KCND2: variants seen among roughly 807,000 people sequenced by gnomAD.
KCND2 encodes potassium voltage-gated channel subfamily D member 2, also known as A-type voltage-gated potassium channel KCND2.
KCND2 carries 16 observed loss-of-function variants against 54.4 expected under a neutral mutation model. The ratio of observed to expected loss-of-function variants is 0.29; its 90% CI spans 0.20 to 0.45. The LOEUF (loss-of-function observed/expected upper bound fraction) is 0.45. Ranked by LOEUF, KCND2 falls within the 20% of genes least tolerant of loss-of-function variation. The pLI is 1.00. For missense variants in KCND2, 486 were observed against 824.2 expected, an observed-to-expected ratio of 0.59 and a Z score of 5.02; for synonymous variants, 317 against 310.7, an observed-to-expected ratio of 1.02 and a Z score of -0.21.
chr7:120,426,167 G>A (rs1801703284), intron 1 of KCND2, among the ~76,000 whole-genome samples: 1 of 151,842 alleles, frequency 6.6e-6, no homozygotes, highest in Non-Finnish European at 1.5e-5. Context: ...ATGGAAAGAA[G>A]AAACAAAATA....
intron 1 of KCND2, among the ~76,000 whole-genome samples, chr7:120,531,953 T>C (rs1791848101): frequency 6.6e-6 from 1 of 152,148 alleles, no homozygotes; most frequent in African/African-American, 2.4e-5. Flanking sequence ...GCTTTAAAGA[T>C]TATTGTGTAA....
chr7:120,392,826 T>C lies in KCND2; in HGVS notation c.1115+117079T>C, dbSNP rs189801515. ...TCATCTAACATTAATATATTTAGGA[T>C]GGTAAAAGTGACAAATACCAATATC... On this transcript the variant is annotated intron_variant, in intron 1 of 5. Coordinates refer to ENST00000331113, the MANE Select transcript of KCND2 (RefSeq NM_012281.3). Among the ~76,000 whole-genome samples the C allele has an allele frequency of 1.7e-3, 264 of 152,052 alleles. 1 individual carries two copies. Among genetic ancestry groups the C allele is most frequent in the Non-Finnish European group, 2.9e-3 (200 of 67,942 alleles).
chr7:120,576,581 A>G lies in KCND2; in HGVS notation c.1116-156322A>G, dbSNP rs1792437085. On this transcript the variant is annotated intron_variant, in intron 1 of 5. Coordinates refer to ENST00000331113, the MANE Select transcript of KCND2 (RefSeq NM_012281.3). Reference sequence around the variant, plus strand: ...AGTACAAATTTAAACTTCCTCTAACAGAATGTTAAAAATCTCACACTAACC... The same window carrying G: ...AGTACAAATTTAAACTTCCTCTAACGGAATGTTAAAAATCTCACACTAACC... Among the ~76,000 whole-genome samples, 3 of 152,280 alleles carry G rather than the reference A, an allele frequency of 2.0e-5. No homozygotes were observed. The South Asian group carries it at 6.2e-4, about 32-fold the overall frequency.
At chr7:120,575,928 G>A (rs1186388092) in intron 1 of KCND2, among the ~76,000 whole-genome samples, 1 of 6,886 alleles carries the variant, frequency 1.5e-4, no homozygotes, top group East Asian at 6.4e-4. Flanking sequence ...AAAATTCTCA[G>A]GATGTACACT....
intron 1 of KCND2, among the ~76,000 whole-genome samples, chr7:120,686,902 T>C (rs1447919984): frequency 6.6e-6 from 1 of 152,192 alleles, no homozygotes; most frequent in Non-Finnish European, 1.5e-5. Context: ...GTTTCATTTG[T>C]TTCTATCTAT....
intron 1 of KCND2, among the ~76,000 whole-genome samples, chr7:120,302,769 T>TG (rs1799605297): frequency 6.6e-6 from 1 of 152,210 alleles, no homozygotes; most frequent in African/African-American, 2.4e-5. Context: ...GAGGAATTTT[T>TG]CAGTGGTCTT....
chr7:120,484,167 G>A (rs548382042), intron 1 of KCND2, among the ~76,000 whole-genome samples: 1 of 152,266 alleles, frequency 6.6e-6, no homozygotes, highest in South Asian at 2.1e-4. Context: ...GATAGGAAAT[G>A]CGGGCAGGAC....
At chr7:120,343,807 C>T (rs1163344201) in intron 1 of KCND2, among the ~76,000 whole-genome samples, 2 of 152,138 alleles carry the variant, frequency 1.3e-5, no homozygotes, top group Admixed American at 1.3e-4. Context: ...ACTATTTTCA[C>T]ATGATATTCA....
intron 1 of KCND2, among the ~76,000 whole-genome samples, chr7:120,352,778 G>A (rs1800435073): frequency 6.6e-6 from 1 of 152,062 alleles, no homozygotes; most frequent in South Asian, 2.1e-4. Flanking sequence ...ACTGAAAAAT[G>A]CAAACAGTAA....
chr7:120,298,800 C>T lies in KCND2; in HGVS notation c.1115+23053C>T, dbSNP rs578083479. On this transcript the variant is annotated intron_variant, in intron 1 of 5. Coordinates refer to ENST00000331113, the MANE Select transcript of KCND2 (RefSeq NM_012281.3). ...TGAGCACTACTATTAGAAAGTGTAG[C>T]GAAGTCTTACGCTTTACCTGTTATT... is the stretch of plus-strand genomic sequence containing the variant. 1.8e-3 allele frequency among the ~76,000 whole-genome samples: 276 copies of T among 152,132 alleles called. 1 individual carries two copies. The highest frequency in any genetic ancestry group is 6.3e-3 in the Middle Eastern group (2 of 316).
At chr7:120,403,573 A>C in intron 1 of KCND2, among the ~76,000 whole-genome samples, 1 of 148,820 alleles carries the variant, frequency 6.7e-6, no homozygotes, top group Non-Finnish European at 1.5e-5. Context: ...CAAATGATCC[A>C]CCTGCCTAGG....
intron 1 of KCND2, among the ~76,000 whole-genome samples, chr7:120,338,389 T>A (rs1800181559): frequency 6.6e-6 from 1 of 152,078 alleles, no homozygotes; most frequent in South Asian, 2.1e-4. Flanking sequence ...ATGTTGTACA[T>A]TTTTGCTTTC....
chr7:120,712,743 G>A (rs1489948967), intron 1 of KCND2, among the ~76,000 whole-genome samples: 2 of 152,080 alleles, frequency 1.3e-5, no homozygotes, highest in East Asian at 3.9e-4. Flanking sequence ...TCTTAAATTA[G>A]AAGTTCAAAA....
chr7:120,605,351 C>T (rs1435881874), intron 1 of KCND2, among the ~76,000 whole-genome samples: 1 of 152,150 alleles, frequency 6.6e-6, no homozygotes, highest in Non-Finnish European at 1.5e-5. Flanking sequence ...TAGAATCTTT[C>T]ACCTAGCATG....
At chr7:120,475,006 A>AC (rs1285704549) in intron 1 of KCND2, among the ~76,000 whole-genome samples, 5 of 152,138 alleles carry the variant, frequency 3.3e-5, no homozygotes, top group Admixed American at 1.3e-4. Flanking sequence ...ACGCCTGGCT[A>AC]AGGCCTTCAC....
In KCND2 at chr7:120,554,772, T is replaced by C. The variant is rs138943581; in HGVS notation, c.1116-178131T>C. Among the ~76,000 whole-genome samples, 54 of 152,272 alleles carry C rather than the reference T, an allele frequency of 3.5e-4. No homozygotes were observed. The East Asian group carries it at 9.9e-3, about 28-fold the overall frequency. ...TGTTATGTAGTCTGACGACCATACA[T>C]TGAGAAGCTCTGGATTAGAGAAAAG... On this transcript the variant is annotated intron_variant, in intron 1 of 5. Coordinates refer to ENST00000331113, the MANE Select transcript of KCND2 (RefSeq NM_012281.3).
At chr7:120,310,147 G>A (rs1459804380) in intron 1 of KCND2, among the ~76,000 whole-genome samples, 5 of 152,086 alleles carry the variant, frequency 3.3e-5, no homozygotes, top group Non-Finnish European at 5.9e-5. Flanking sequence ...GGGATGGGAC[G>A]GAGGAAAAGA....
chr7:120,476,814 G>A (rs536421047), intron 1 of KCND2, among the ~76,000 whole-genome samples: 17 of 152,210 alleles, frequency 1.1e-4, no homozygotes, highest in African/African-American at 4.1e-4. Context: ...GGAAATTACA[G>A]CCAATAAAAG....
At chr7:120,608,542 A>G (rs1278051601) in intron 1 of KCND2, among the ~76,000 whole-genome samples, 1 of 152,114 alleles carries the variant, frequency 6.6e-6, no homozygotes, top group Non-Finnish European at 1.5e-5. Context: ...TTTGTCTCTC[A>G]CCTTTTGTTT....
Sources: gnomAD v4.1 joint callset for allele counts (sites outside exome capture counted in the v4.1 genomes callset) on GRCh38, gnomAD v4.1.1 for gene constraint, MANE v1.5 for transcripts, NCBI Gene and HGNC (gene_info 2026-07-23, HGNC 2026-07-21) for gene names.